Variants in RNFT2 observed in about 807,000 individuals in gnomAD.
RNFT2 encodes E3 ubiquitin-protein ligase RNFT2.
RNFT2 carries 36 observed loss-of-function variants against 53.0 expected under a neutral mutation model. That is an observed-to-expected ratio of 0.68 (90% confidence interval 0.52 to 0.90). The LOEUF (loss-of-function observed/expected upper bound fraction) is 0.90, where lower values mean the gene tolerates loss of function less well. Ranked by LOEUF, RNFT2 falls within the 40% of genes least tolerant of loss-of-function variation. The pLI is 0.00. For missense variants in RNFT2, 514 were observed against 585.6 expected, an observed-to-expected ratio of 0.88 and a Z score of 1.26; for synonymous variants, 260 against 253.2, an observed-to-expected ratio of 1.03 and a Z score of -0.26.
intron 7 of RNFT2, chr12:116,800,984 A>G (rs1408902025): frequency 6.6e-6 from 1 of 152,178 alleles, no homozygotes; most frequent in Non-Finnish European, 1.5e-5. Flanking sequence ...ATAACAGCTG[A>G]TACGTCTAGG....
chr12:116,841,970 G>T (rs866668513), intron 10 of RNFT2, among the ~76,000 whole-genome samples: 23 of 124,674 alleles, frequency 1.8e-4, no homozygotes, highest in South Asian at 2.5e-4. Flanking sequence ...GAGAGAGAGA[G>T]AGAGAGAGAG....
chr12:116,836,176 C>T lies in RNFT2; in HGVS notation c.1099-5C>T. 6.3e-7 allele frequency: 1 copy of T among 1,594,350 alleles called. No homozygotes were observed. The highest frequency in any genetic ancestry group is 8.5e-7 in the Non-Finnish European group (1 of 1,170,200). ...AGCTGTATTTGCTTCTCCCCTCCCT[C>T]AAAGAACTATGGAGTCCGAGCCACC... is the stretch of plus-strand genomic sequence containing the variant. On this transcript the variant is annotated splice_polypyrimidine_tract_variant and splice_region_variant and intron_variant, in intron 9 of 10. Transcript: ENST00000257575.
chr12:116,844,079 A>C (rs1349352834), intron 10 of RNFT2, among the ~76,000 whole-genome samples: 1 of 152,162 alleles, frequency 6.6e-6, no homozygotes, highest in African/African-American at 2.4e-5. Flanking sequence ...AAAACCATTT[A>C]TATAATAATA....
At chr12:116,832,089 C>G (rs1876682320) in intron 7 of RNFT2, among the ~76,000 whole-genome samples, 1 of 140,460 alleles carries the variant, frequency 7.1e-6, no homozygotes, top group Non-Finnish European at 1.5e-5. Flanking sequence ...CATAGTCGCA[C>G]AACTGCACTC....
intron 7 of RNFT2, among the ~76,000 whole-genome samples, chr12:116,788,363 G>A (rs1022332199): frequency 1.3e-5 from 2 of 152,182 alleles, no homozygotes; most frequent in African/African-American, 4.8e-5. Flanking sequence ...ATCTTCTAGA[G>A]TGGGCTGCTT....
At position 116,740,526 on chromosome 12, in the gene RNFT2, C is replaced by T; in HGVS notation, c.24+5C>T. Reference sequence around the variant, plus strand: ...TGGCTCTTCACAGTGAATCAGGTGACACGTCTCCAAGAGAATTTGCATCTT... The same window carrying T: ...TGGCTCTTCACAGTGAATCAGGTGATACGTCTCCAAGAGAATTTGCATCTT... On this transcript the variant is annotated splice_donor_5th_base_variant and intron_variant, in intron 2 of 10. Coordinates refer to ENST00000257575, the MANE Select transcript of RNFT2 (RefSeq NM_001382266.1). 6.4e-7 allele frequency: 1 copy of T among 1,569,036 alleles called. No homozygotes were observed. The highest frequency in any genetic ancestry group is 8.7e-7 in the Non-Finnish European group (1 of 1,155,678).
intron 7 of RNFT2, among the ~76,000 whole-genome samples, chr12:116,817,049 G>T (rs1290399993): frequency 6.6e-6 from 1 of 152,128 alleles, no homozygotes; most frequent in African/African-American, 2.4e-5. Context: ...GTCTCGCTCT[G>T]TCGCCCAGGC....
At chr12:116,785,749 A>G (rs1873906978) in intron 7 of RNFT2, among the ~76,000 whole-genome samples, 1 of 152,116 alleles carries the variant, frequency 6.6e-6, no homozygotes, top group Non-Finnish European at 1.5e-5. Context: ...TTTTCAGCAG[A>G]CGAAAATAAA....
rs557701202 is a variant in RNFT2 at position 116,814,081 on chromosome 12, G to A, written c.883-19711G>A. Among the ~76,000 whole-genome samples, 12 of 152,234 alleles carry A rather than the reference G, an allele frequency of 7.9e-5. No homozygotes were observed. The East Asian group carries it at 1.2e-3, about 15-fold the overall frequency. On this transcript the variant is annotated intron_variant, in intron 7 of 10. Coordinates refer to ENST00000257575, the MANE Select transcript of RNFT2 (RefSeq NM_001382266.1). The stretch of plus-strand genomic sequence containing the variant: ...GGAAAACATGACCCCAGCCCTCCCC[G>A]TGTCATTCTCCAGGAGTAGATGATG...
At chr12:116,805,002 C>T (rs1014212202) in intron 7 of RNFT2, among the ~76,000 whole-genome samples, 1 of 152,160 alleles carries the variant, frequency 6.6e-6, no homozygotes, top group East Asian at 1.9e-4. Flanking sequence ...TACACTTCTT[C>T]CAATGCTGGA....
Position 116,811,240 on chromosome 12 carries a change from A to G in RNFT2, c.883-22552A>G, listed in dbSNP as rs1875356823. ...GCAACATAGAAAGACCCCCATTTCA[A>G]AAAAAAAAGAAATATTCCTGTTTAC... On this transcript the variant is annotated intron_variant, in intron 7 of 10. Transcript: ENST00000257575. Among the ~76,000 whole-genome samples, 3 of 151,332 alleles carry G rather than the reference A, an allele frequency of 2.0e-5. No individual in the cohort carries two copies. In the South Asian group the frequency reaches 6.2e-4, roughly 32 times the overall value.
At chr12:116,757,676 G>A (rs1872562474) in intron 5 of RNFT2, among the ~76,000 whole-genome samples, 1 of 152,154 alleles carries the variant, frequency 6.6e-6, no homozygotes, top group Non-Finnish European at 1.5e-5. Flanking sequence ...TTCTGCCGTG[G>A]TCTGAGAGAG....
Position 116,766,871 on chromosome 12 carries a change from C to G in RNFT2, c.685C>G (p.Leu229Val), listed in dbSNP as rs146270391. ...CCTGGCCTTTCTGGCGGGGAACACC[C>G]TCTATGTGCTTTATACATTCAGCTC... ...WILAFLAGNT[L>V]YVLYTFSSQQ... Residue 229 changes from leucine to valine, a missense_variant, in exon 6 of 11, where the codon CTC (leucine) becomes GTC (valine). By Grantham distance (32) the Leu-to-Val change is conservative. This residue lies in a region of RNFT2 where 273 missense variants were observed against 334.4 expected (regional missense o/e 0.82). Coordinates refer to ENST00000257575, the MANE Select transcript of RNFT2 (RefSeq NM_001382266.1). 4.9e-5 allele frequency: 78 copies of G among 1,596,558 alleles called. No individual in the cohort carries two copies. The African/African-American group carries it at 8.6e-4, about 18-fold the overall frequency.
intron 7 of RNFT2, among the ~76,000 whole-genome samples, chr12:116,822,604 A>G (rs1048215177): frequency 6.6e-6 from 1 of 152,220 alleles, no homozygotes; most frequent in Non-Finnish European, 1.5e-5. Flanking sequence ...CATCACCACC[A>G]CTACTACCAC....
chr12:116,783,180 C>G (rs1873789023), intron 7 of RNFT2, among the ~76,000 whole-genome samples: 1 of 152,218 alleles, frequency 6.6e-6, no homozygotes. Flanking sequence ...GCTCAGAGAT[C>G]CCCTCATAGA....
At chr12:116,792,917 G>A (rs575873324) in intron 7 of RNFT2, among the ~76,000 whole-genome samples, 3 of 152,216 alleles carry the variant, frequency 2.0e-5, no homozygotes, top group South Asian at 2.1e-4. Flanking sequence ...TATTTGGGTC[G>A]GTTGATGGCC....
intron 10 of RNFT2, among the ~76,000 whole-genome samples, chr12:116,845,956 A>G (rs1460043549): frequency 6.6e-6 from 1 of 151,986 alleles, no homozygotes; most frequent in South Asian, 2.1e-4. Context: ...TTAACTGCCA[A>G]ATGTTCTTCA....
Position 116,754,027 on chromosome 12 carries a change from C to A in RNFT2, c.594C>A (p.Ala198=). 1 of 1,613,896 alleles carries A rather than the reference C, an allele frequency of 6.2e-7. No individual in the cohort carries two copies. The highest frequency in any genetic ancestry group is 1.6e-4 in the Middle Eastern group (1 of 6,062). ...GGATGGCCAGCACCTTCGCCTATGC[C>A]AACTCCACGCTTCGAGAACAGGTCT... The part of the protein sequence containing the change: ...CIGMASTFAY[A]NSTLREQVSL... Residue 198 remains alanine (A), a synonymous_variant, in exon 5 of 11, where the codon GCC becomes GCA. Coordinates refer to ENST00000257575, the MANE Select transcript of RNFT2 (RefSeq NM_001382266.1).
intron 7 of RNFT2, among the ~76,000 whole-genome samples, chr12:116,809,573 T>C (rs1875263137): frequency 6.6e-6 from 1 of 152,186 alleles, no homozygotes; most frequent in Non-Finnish European, 1.5e-5. Flanking sequence ...CATGCCAAGA[T>C]GGTCAGTTCC....
Sources: allele counts gnomAD v4.1 joint callset (sites outside exome capture counted in the v4.1 genomes callset), GRCh38; gene constraint gnomAD v4.1.1; regional missense constraint gnomAD v4.1.1; transcripts MANE v1.5; gene names NCBI Gene and HGNC (gene_info 2026-07-23, HGNC 2026-07-21).